The following ISM1 variants were observed in gnomAD, a reference collection of about 807,000 sequenced individuals.
ISM1 encodes the protein isthmin-1.
ISM1 carries 25 observed loss-of-function variants against 46.3 expected under a neutral mutation model. That is an observed-to-expected ratio of 0.54 (90% CI 0.39 to 0.75). ISM1 has a LOEUF of 0.75. Ranked by LOEUF, ISM1 falls within the 30% of genes least tolerant of loss-of-function variation. The pLI is 0.00. For missense variants in ISM1, 536 were observed against 625.4 expected, an observed-to-expected ratio of 0.86 and a Z score of 1.52; for synonymous variants, 255 against 256.7, an observed-to-expected ratio of 0.99 and a Z score of 0.06.
the ISM1 span, among the ~76,000 whole-genome samples, chr20:13,312,327 G>A: frequency 2.0e-5 from 3 of 152,186 alleles, no homozygotes; most frequent in Non-Finnish European, 2.9e-5. Context: ...GTATGTGGCC[G>A]TGATGGGTTG....
chr20:13,233,487 CG>C, intron 1 of ISM1, among the ~76,000 whole-genome samples: 1 of 150,288 alleles, frequency 6.7e-6, no homozygotes, highest in East Asian at 2.0e-4. Flanking sequence ...CCCAGCTACT[CG>C]GGAGGCTGAG....
intron 1 of ISM1, chr20:13,244,235 A>G (rs1316668935): frequency 6.6e-6 from 1 of 152,220 alleles, no homozygotes; most frequent in South Asian, 2.1e-4. Flanking sequence ...CTAAAAGTCT[A>G]CAAGAGCAGG....
chr20:13,244,605 T>C (rs945052149), intron 1 of ISM1, among the ~76,000 whole-genome samples: 1 of 152,230 alleles, frequency 6.6e-6, no homozygotes, highest in African/African-American at 2.4e-5. Context: ...TTATTCCAGT[T>C]CACAGGCATG....
chr20:13,315,573 T>A, the ISM1 span, among the ~76,000 whole-genome samples: 1 of 151,958 alleles, frequency 6.6e-6, no homozygotes, highest in South Asian at 2.1e-4. Context: ...CATAGATGAA[T>A]CCATTATCAT....
rs1191633466 is a variant in ISM1, at chr20:13,221,767, T to C, written c.-10T>C. 7.0e-7 allele frequency: 1 copy of C among 1,434,792 alleles called. No homozygotes were observed. Among genetic ancestry groups the C allele is most frequent in the African/African-American group, 1.5e-5 (1 of 67,338 alleles). The allele number at this position is 1,434,792 out of a possible 1,614,324, so 88.9% of individuals were successfully genotyped here. A position where few individuals can be genotyped will look rare whatever the true frequency, so the allele number is the denominator to read the frequency against. On this transcript the variant is annotated 5_prime_UTR_variant, in exon 1 of 6. Coordinates refer to ENST00000262487, the MANE Select transcript of ISM1 (RefSeq NM_080826.2). ...CCGCGCCGGGTCCTAAAGCCGCGCG[T>C]CTCAAAAGGATGGTGCGCCTGGCGG...
chr20:13,235,931 T>C (rs2039643438), intron 1 of ISM1, among the ~76,000 whole-genome samples: 1 of 151,668 alleles, frequency 6.6e-6, no homozygotes, highest in Non-Finnish European at 1.5e-5. Flanking sequence ...ACTTCCCTTT[T>C]TTCTTTTTTT....
rs1056154693 is a variant in ISM1, at chr20:13,300,520, A to C, written c.*1061A>C. 1.8e-4 allele frequency: 27 copies of C among 152,198 alleles called. No individual in the cohort carries two copies. The highest frequency in any genetic ancestry group is 6.5e-4 in the African/African-American group (27 of 41,446). 9.4% of individuals were successfully genotyped at this position (152,198 alleles called of 1,614,324 possible). On this transcript the variant is annotated 3_prime_UTR_variant, in exon 6 of 6. Coordinates refer to ENST00000262487, the MANE Select transcript of ISM1 (RefSeq NM_080826.2). ...TTTATTGAGTCACGGATTATTGTGC[A>C]TCAAGCAATTGTTAATATGACCTGG...
At chr20:13,321,764 G>A in the ISM1 span, among the ~76,000 whole-genome samples, 22 of 152,294 alleles carry the variant, frequency 1.4e-4, no homozygotes, top group South Asian at 1.0e-3. Flanking sequence ...AAAAAGTAGC[G>A]TTGAATTCAC....
intron 3 of ISM1, among the ~76,000 whole-genome samples, chr20:13,284,565 G>A (rs577949338): frequency 6.6e-6 from 1 of 152,220 alleles, no homozygotes; most frequent in East Asian, 1.9e-4. Context: ...TAGCAGAAAG[G>A]AGCACTGCCC....
At chr20:13,318,807 T>C in the ISM1 span, among the ~76,000 whole-genome samples, 3 of 152,274 alleles carry the variant, frequency 2.0e-5, no homozygotes, top group South Asian at 4.2e-4. Flanking sequence ...TCCAACTACA[T>C]AGCCTTCTAG....
intron 5 of ISM1, among the ~76,000 whole-genome samples, chr20:13,295,102 C>A (rs934594548): frequency 2.6e-5 from 4 of 152,192 alleles, no homozygotes; most frequent in African/African-American, 9.7e-5. Context: ...CACCAGCCTC[C>A]CAGGCTCCTG....
rs926483145 is a variant in ISM1 at position 13,236,082 on chromosome 20, G to A, written c.138+14168G>A. Among the ~76,000 whole-genome samples the A allele has an allele frequency of 4.6e-5, 7 of 152,010 alleles. No individual in the cohort carries two copies. The East Asian group carries it at 9.7e-4, about 21-fold the overall frequency. ...TGGGATTACAGGCACCCACCACCAC[G>A]CACGGCTAATTTTTATATTTTTAGT... On this transcript the variant is annotated intron_variant, in intron 1 of 5. Coordinates refer to ENST00000262487, the MANE Select transcript of ISM1 (RefSeq NM_080826.2).
intron 1 of ISM1, among the ~76,000 whole-genome samples, chr20:13,254,476 T>C (rs1024364001): frequency 1.3e-5 from 2 of 152,204 alleles, no homozygotes; most frequent in African/African-American, 4.8e-5. Context: ...CATCTCCTGC[T>C]GAGCCTCATT....
At chr20:13,316,932 T>A in the ISM1 span, among the ~76,000 whole-genome samples, 2 of 151,582 alleles carry the variant, frequency 1.3e-5, no homozygotes, top group African/African-American at 4.8e-5. Flanking sequence ...AAGTCCTATC[T>A]AATGCAATAA....
At chr20:13,249,716 A>G (rs182716356) in intron 1 of ISM1, among the ~76,000 whole-genome samples, 62 of 152,332 alleles carry the variant, frequency 4.1e-4, no homozygotes, top group African/African-American at 1.4e-3. Context: ...GGAACACACA[A>G]TGGGAAGCCA....
chr20:13,234,707 T>TA (rs560170804), intron 1 of ISM1, among the ~76,000 whole-genome samples: 6 of 152,224 alleles, frequency 3.9e-5, no homozygotes, highest in Non-Finnish European at 8.8e-5. Flanking sequence ...GATAATTAGT[T>TA]ATGTAAAGCA....
At chr20:13,224,841 CTTTTTTTTTTTT>C (rs1162270732) in intron 1 of ISM1, among the ~76,000 whole-genome samples, 11 of 107,258 alleles carry the variant, frequency 1.0e-4, no homozygotes, top group Non-Finnish European at 1.7e-4. Context: ...AGCTTTCTTT[CTTTTTTTTTTTT>C]TTTTTTTTTT....
intron 1 of ISM1, among the ~76,000 whole-genome samples, chr20:13,227,184 T>C (rs763596822): frequency 3.0e-4 from 46 of 152,188 alleles, no homozygotes; most frequent in Non-Finnish European, 8.8e-5. Context: ...TTTTTTTGAC[T>C]TTTTAATTTA....
chr20:13,256,994 A>C (rs938117127), intron 1 of ISM1, among the ~76,000 whole-genome samples: 1 of 152,208 alleles, frequency 6.6e-6, no homozygotes, highest in Non-Finnish European at 1.5e-5. Flanking sequence ...AAATGTAACA[A>C]TGTGAAAGTG....
Sources: gnomAD v4.1 joint callset for allele counts (sites outside exome capture counted in the v4.1 genomes callset) on GRCh38, gnomAD v4.1.1 for gene constraint, MANE v1.5 for transcripts, NCBI Gene and HGNC (gene_info 2026-07-23, HGNC 2026-07-21) for gene names.